RPF1: variants seen among roughly 807,000 people sequenced by gnomAD.
RPF1 encodes ribosome production factor 1 homolog.
RPF1 carries 34 observed loss-of-function variants against 41.9 expected under a neutral mutation model. The observed-to-expected ratio is 0.81, with a 90% CI of 0.62 to 1.08. The LOEUF (loss-of-function observed/expected upper bound fraction) is 1.08, where lower values mean the gene tolerates loss of function less well. Ranked by LOEUF, RPF1 falls within the 50% of genes least tolerant of loss-of-function variation. The pLI, the probability that RPF1 is intolerant of heterozygous loss-of-function variation, is 0.00. For missense variants in RPF1, 425 were observed against 435.2 expected, an observed-to-expected ratio of 0.98 and a Z score of 0.21; for synonymous variants, 140 against 148.9, an observed-to-expected ratio of 0.94 and a Z score of 0.43.
chr1:84,490,616 A>G, intron 5 of RPF1, 144 bp downstream of exon 5: 3 of 587,860 alleles, frequency 5.1e-6, no homozygotes. Flanking sequence ...CCAAGAGTCT[A>G]TAAACTGATT....
chr1:84,488,920 CT>C (rs1265387770), intron 3 of RPF1, among the ~76,000 whole-genome samples: 1 of 152,074 alleles, frequency 6.6e-6, no homozygotes, highest in Non-Finnish European at 1.5e-5. Context: ...GTAATGTCCA[CT>C]TTTCGTTCCT....
At chr1:84,481,655 C>T (rs1570343949) in intron 2 of RPF1, among the ~76,000 whole-genome samples, 1 of 152,150 alleles carries the variant, frequency 6.6e-6, no homozygotes, top group African/African-American at 2.4e-5. Context: ...TTGTGGTACT[C>T]ATAAGAAGTG....
intron 5 of RPF1, among the ~76,000 whole-genome samples, chr1:84,495,022 T>C (rs938132745): frequency 2.0e-5 from 3 of 152,208 alleles, no homozygotes; most frequent in Non-Finnish European, 2.9e-5. Context: ...CAGTGTTACA[T>C]GATTATAGAA....
intron 3 of RPF1, among the ~76,000 whole-genome samples, chr1:84,484,044 GAAAT>G (rs1335636746): frequency 2.0e-5 from 3 of 152,100 alleles, no homozygotes; most frequent in Non-Finnish European, 4.4e-5. Context: ...TAAACATAAT[GAAAT>G]AAATAAGTTA....
Position 84,482,944 on chromosome 1 carries a change from T to G in RPF1, c.315T>G (p.Ile105Met). The change falls in exon 3 of 9, where the codon ATT becomes ATG. Residue 105 changes from isoleucine to methionine, a missense_variant. Transcript: ENST00000370654. ...KAPPKPVPKT[I>M]DNQRVYDETT... ...CACCAAAGCCTGTACCCAAGACCAT[T>G]GACAACCAGCGAGTGTATGATGAAA... The G allele has an allele frequency of 6.2e-7, 1 of 1,612,190 alleles. No homozygotes were observed. Among genetic ancestry groups the G allele is most frequent in the South Asian group, 1.1e-5 (1 of 91,030 alleles).
chr1:84,495,805 G>A lies in RPF1; in HGVS notation c.700-77G>A, dbSNP rs75767109. 3,720 of 936,734 alleles carry A rather than the reference G, an allele frequency of 4.0e-3. 99 individuals are homozygous for A. In the African/African-American group the frequency reaches 0.055, roughly 14 times the overall value. 58.0% of individuals were successfully genotyped at this position (936,734 alleles called of 1,614,324 possible). A position where few individuals can be genotyped will look rare whatever the true frequency, so the allele number is the denominator to read the frequency against. ...TTTGCAAATTTGTCATGTAAATTTT[G>A]ATACTTGAAATTGCATTGGGACGTA... On this transcript the variant is annotated intron_variant, in intron 6 of 8. Transcript: ENST00000370654.
chr1:84,481,157 T>A, intron 2 of RPF1, 145 bp downstream of exon 2: 1 of 518,268 alleles, frequency 1.9e-6, no homozygotes, highest in African/African-American at 2.0e-5. Context: ...TAAACCTCTT[T>A]GTATCATTTA....
rs1326375914 is a variant in RPF1 at position 84,489,096 on chromosome 1, G to C, written c.367-537G>C. On this transcript the variant is annotated intron_variant, in intron 3 of 8. Coordinates refer to ENST00000370654, the MANE Select transcript of RPF1 (RefSeq NM_025065.7). Reference sequence around the variant, plus strand: ...TTTATTATTTTCTTCTGCTTCCTTTGAGTTTATTCTGTATTTATTGATTTG... The same window carrying C: ...TTTATTATTTTCTTCTGCTTCCTTTCAGTTTATTCTGTATTTATTGATTTG... Among the ~76,000 whole-genome samples the C allele has an allele frequency of 3.3e-5, 5 of 151,480 alleles. No homozygotes were observed. The East Asian group carries it at 9.7e-4, about 29-fold the overall frequency.
At chr1:84,487,565 G>A (rs1681757762) in intron 3 of RPF1, among the ~76,000 whole-genome samples, 1 of 152,030 alleles carries the variant, frequency 6.6e-6, no homozygotes, top group Non-Finnish European at 1.5e-5. Flanking sequence ...TTTCTATGGT[G>A]TCTTTTGAGG....
intron 2 of RPF1, among the ~76,000 whole-genome samples, chr1:84,482,484 G>A (rs1359729982): frequency 1.3e-5 from 2 of 152,160 alleles, no homozygotes; most frequent in African/African-American, 4.8e-5. Flanking sequence ...AAATTACTAG[G>A]TCAATGGATA....
chr1:84,495,978 C>T lies in RPF1; in HGVS notation c.796C>T (p.Leu266Phe). Residue 266 changes from leucine to phenylalanine, a missense_variant, in exon 7 of 9, where the codon CTC (leucine) becomes TTC (phenylalanine). Leu to Phe is a conservative substitution (Grantham distance 22). Coordinates refer to ENST00000370654, the MANE Select transcript of RPF1 (RefSeq NM_025065.7). ...GHSIGRMFAS[L>F]FPHNPQFIGR... The stretch of plus-strand genomic sequence containing the variant: ...TTCAATTGGACGTATGTTTGCATCT[C>T]TCTTTCCTCATAATCCTCAATTTAT... 1 of 1,610,064 alleles carries T rather than the reference C, an allele frequency of 6.2e-7. No individual in the cohort carries two copies. Among genetic ancestry groups the T allele is most frequent in the South Asian group, 1.1e-5 (1 of 90,976 alleles).
chr1:84,479,517 A>T lies in RPF1; in HGVS notation c.228+8A>T. The T allele has an allele frequency of 6.2e-7, 1 of 1,613,162 alleles. No homozygotes were observed. The highest frequency in any genetic ancestry group is 1.1e-5 in the South Asian group (1 of 91,030). ...AAACAGCAGCAGCGGAAGGTACGCGAGAGGCGGGGGCTGCCGGGCGCTTGC... is the reference window on the plus strand; with the variant it reads ...AAACAGCAGCAGCGGAAGGTACGCGTGAGGCGGGGGCTGCCGGGCGCTTGC... On this transcript the variant is annotated splice_region_variant and intron_variant, in intron 1 of 8. Coordinates refer to ENST00000370654, the MANE Select transcript of RPF1 (RefSeq NM_025065.7).
intron 5 of RPF1, among the ~76,000 whole-genome samples, chr1:84,490,931 G>A (rs1032896642): frequency 6.6e-6 from 1 of 152,160 alleles, no homozygotes; most frequent in Non-Finnish European, 1.5e-5. Flanking sequence ...GCAGAGAAAA[G>A]CGCTCAGTGC....
intron 2 of RPF1, among the ~76,000 whole-genome samples, chr1:84,482,270 C>A (rs142030509): frequency 1.1e-3 from 171 of 152,184 alleles, no homozygotes; most frequent in African/African-American, 3.1e-3. Flanking sequence ...TCATTTACAC[C>A]ATTTCTTGGT....
At chr1:84,495,627 G>A (rs1323615935) in intron 6 of RPF1, among the ~76,000 whole-genome samples, 172 bp downstream of exon 6, 1 of 152,100 alleles carries the variant, frequency 6.6e-6, no homozygotes, top group African/African-American at 2.4e-5. Flanking sequence ...AGTTACAGCC[G>A]GCAGGCAATA....
intron 2 of RPF1, among the ~76,000 whole-genome samples, chr1:84,482,032 A>C (rs1160768131): frequency 6.6e-6 from 1 of 152,212 alleles, no homozygotes; most frequent in African/African-American, 2.4e-5. Context: ...ATTACAGCAA[A>C]TTAATGTTAT....
At chr1:84,483,081 C>T in intron 3 of RPF1, 86 bp downstream of exon 3, 1 of 848,604 alleles carries the variant, frequency 1.2e-6, no homozygotes, top group South Asian at 1.6e-5. Flanking sequence ...AAAGTGCTGG[C>T]TGGCCAAGTT....
At chr1:84,495,539 ATTTAT>A in intron 6 of RPF1, 84 bp downstream of exon 6, 1 of 653,988 alleles carries the variant, frequency 1.5e-6, no homozygotes, top group Non-Finnish European at 2.6e-6. Flanking sequence ...TATAGCTCTA[ATTTAT>A]TTTAATAATG....
intron 5 of RPF1, among the ~76,000 whole-genome samples, chr1:84,491,158 T>G (rs1304595031): frequency 6.6e-6 from 1 of 152,204 alleles, no homozygotes; most frequent in Non-Finnish European, 1.5e-5. Context: ...GAACCCAAGG[T>G]ATTTCTTCCT....
Sources: allele counts gnomAD v4.1 joint callset (sites outside exome capture counted in the v4.1 genomes callset), GRCh38; gene constraint gnomAD v4.1.1; transcripts MANE v1.5; gene names NCBI Gene and HGNC (gene_info 2026-07-23, HGNC 2026-07-21).